The following GOLM1 variants were observed in gnomAD, a reference collection of about 807,000 sequenced individuals.
The protein encoded by GOLM1 is golgi membrane protein 1.
In GOLM1, 31 loss-of-function variants were observed where a neutral mutation model predicts 50.5. That is an observed-to-expected ratio of 0.61 (90% CI 0.46 to 0.83). The LOEUF (loss-of-function observed/expected upper bound fraction) is 0.83. Among genes scored for constraint, GOLM1 ranks in the 40% least tolerant of loss-of-function variants. GOLM1 has a pLI of 0.00. For synonymous variants in GOLM1, 178 were observed against 192.8 expected, an observed-to-expected ratio of 0.92 and a Z score of 0.64; for missense variants, 491 against 501.3, an observed-to-expected ratio of 0.98 and a Z score of 0.20.
In GOLM1 at chr9:86,026,982, C is replaced by T; in HGVS notation, c.*835G>A. 1.0e-6 allele frequency: 1 copy of T among 985,384 alleles called. No individual in the cohort carries two copies. Among genetic ancestry groups the T allele is most frequent in the Non-Finnish European group, 1.2e-6 (1 of 829,938 alleles). The allele number at this position is 985,384 out of a possible 1,614,324, so 61.0% of individuals were successfully genotyped here. ...TCCACAACAAACTTGCCCTCTCATG[C>T]CTTGCCTCTCACCATGCTCTGCTCC... On this transcript the variant is annotated 3_prime_UTR_variant, in exon 10 of 10. Transcript: ENST00000388712.
At position 86,040,721 on chromosome 9, in the gene GOLM1, CAAAAAT is replaced by C. The variant is rs768136990; in HGVS notation, c.597+12_597+17del. On this transcript the variant is annotated intron_variant, in intron 6 of 9. Transcript: ENST00000388712. ...AGGGGTACCTTCTAGAAACTCTTGG[CAAAAAT>C]TCCCCAGTTACCTGCTGTCTCTGGT... The C allele has an allele frequency of 6.2e-6, 10 of 1,603,626 alleles. No homozygotes were observed. The highest frequency in any genetic ancestry group is 1.3e-5 in the African/African-American group (1 of 74,242).
chr9:86,069,960 T>C (rs980752161), intron 3 of GOLM1, among the ~76,000 whole-genome samples: 13 of 152,114 alleles, frequency 8.5e-5, no homozygotes, highest in Non-Finnish European at 2.9e-5. Context: ...CCTGGCTCAC[T>C]GCAACCTCCG....
intron 3 of GOLM1, among the ~76,000 whole-genome samples, chr9:86,062,780 G>A (rs376232445): frequency 9.9e-5 from 15 of 152,090 alleles, no homozygotes; most frequent in African/African-American, 3.6e-4. Flanking sequence ...TCCTTTGGTA[G>A]CAGCCTGCCC....
Position 86,027,818 on chromosome 9 carries a change from C to T in GOLM1, c.1205G>A (p.Ter402=), listed in dbSNP as rs1832832051. ...DQREKRNHTL[*] Reference sequence around the variant, plus strand: ...TGAAATATGTGATTCCAGTTCAATTCAGAGTGTATGATTCCGCTTTTCACG... The same window carrying T: ...TGAAATATGTGATTCCAGTTCAATTTAGAGTGTATGATTCCGCTTTTCACG... The change falls in exon 10 of 10, where the codon TGA becomes TAA. Residue 402 remains the stop codon, a stop_retained_variant. Transcript: ENST00000388712. 1.2e-6 allele frequency: 2 copies of T among 1,612,772 alleles called. No homozygotes were observed. The highest frequency in any genetic ancestry group is 1.7e-6 in the Non-Finnish European group (2 of 1,179,082).
At chr9:86,099,761 T>A (rs1835479250), upstream of GOLM1, among the ~76,000 whole-genome samples, 1 of 151,976 alleles carries the variant, frequency 6.6e-6, no homozygotes, top group African/African-American at 2.4e-5. Context: ...CCGCTGGGCG[T>A]TGCCCCTTCC....
chr9:86,093,727 AAAAG>A (rs1049932391), intron 1 of GOLM1, among the ~76,000 whole-genome samples: 14 of 152,214 alleles, frequency 9.2e-5, no homozygotes, highest in African/African-American at 1.4e-4. Context: ...TACTTTTTTT[AAAAG>A]AAAGAAAAGG....
At chr9:86,044,246 A>T (rs189382726) in intron 5 of GOLM1, among the ~76,000 whole-genome samples, 136 of 152,352 alleles carry the variant, frequency 8.9e-4, no homozygotes, top group Non-Finnish European at 1.8e-3. Flanking sequence ...CCACTGGCAT[A>T]GCTGAATAAG....
intron 5 of GOLM1, 68 bp downstream of exon 5, chr9:86,046,402 C>T (rs1310496162): frequency 1.1e-6 from 1 of 923,894 alleles, no homozygotes; most frequent in Non-Finnish European, 1.8e-6. Flanking sequence ...GGTTACATCT[C>T]AGCTTAATCC....
At chr9:86,072,353 A>T (rs776802470) in intron 3 of GOLM1, among the ~76,000 whole-genome samples, 2 of 152,208 alleles carry the variant, frequency 1.3e-5, no homozygotes, top group Non-Finnish European at 2.9e-5. Flanking sequence ...TTCATAAGAA[A>T]ACCATTCTAT....
chr9:86,067,737 T>C (rs902706578), intron 3 of GOLM1, among the ~76,000 whole-genome samples: 2 of 152,210 alleles, frequency 1.3e-5, no homozygotes, highest in African/African-American at 4.8e-5. Context: ...GCGCAGTGGC[T>C]CATGCCTGTA....
intron 3 of GOLM1, among the ~76,000 whole-genome samples, chr9:86,056,640 G>A (rs1456981484): frequency 2.0e-5 from 3 of 151,796 alleles, no homozygotes; most frequent in African/African-American, 7.3e-5. Flanking sequence ...TGAGTAGCTG[G>A]GACTACAGGC....
intron 6 of GOLM1, 75 bp downstream of exon 6, chr9:86,040,664 C>T (rs897307858): frequency 1.5e-5 from 21 of 1,387,436 alleles, no homozygotes; most frequent in South Asian, 1.5e-4. Context: ...GAAAGCCAGG[C>T]GGCACATAAA....
At chr9:86,086,332 CTT>C (rs1223842435) in intron 1 of GOLM1, among the ~76,000 whole-genome samples, 1 of 150,886 alleles carries the variant, frequency 6.6e-6, no homozygotes, top group East Asian at 2.0e-4. Flanking sequence ...TTTCTTGTAA[CTT>C]TAAGTTCTTT....
chr9:86,082,434 T>A (rs1404376950), intron 1 of GOLM1, among the ~76,000 whole-genome samples: 3 of 149,828 alleles, frequency 2.0e-5, no homozygotes. Context: ...GCTGACACAC[T>A]CACTCTGTCA....
chr9:86,066,296 T>A (rs1455572204), intron 3 of GOLM1, among the ~76,000 whole-genome samples: 1 of 152,108 alleles, frequency 6.6e-6, no homozygotes, highest in Non-Finnish European at 1.5e-5. Flanking sequence ...GTACCCCAAG[T>A]TACTGTGCAA....
At chr9:86,066,885 G>A (rs1834323023) in intron 3 of GOLM1, among the ~76,000 whole-genome samples, 1 of 152,086 alleles carries the variant, frequency 6.6e-6, no homozygotes. Context: ...ACAGCAGTTA[G>A]CCAAGAGGGG....
chr9:86,086,126 A>G (rs188207895), intron 1 of GOLM1, among the ~76,000 whole-genome samples: 1 of 152,304 alleles, frequency 6.6e-6, no homozygotes, highest in East Asian at 1.9e-4. Context: ...CATTCTCTCC[A>G]GCATCTGTGG....
intron 9 of GOLM1, among the ~76,000 whole-genome samples, chr9:86,029,603 A>G (rs1474642309): frequency 6.8e-6 from 1 of 147,650 alleles, no homozygotes; most frequent in African/African-American, 2.6e-5. Context: ...AATACCTGCC[A>G]TATTAAATTA....
At chr9:86,028,242 A>G (rs1248013664) in intron 9 of GOLM1, among the ~76,000 whole-genome samples, 1 of 152,198 alleles carries the variant, frequency 6.6e-6, no homozygotes, top group East Asian at 1.9e-4. Flanking sequence ...TGTGCCTATA[A>G]AAACCCTGAG....
Sources: allele counts gnomAD v4.1 joint callset (sites outside exome capture counted in the v4.1 genomes callset), GRCh38; gene constraint gnomAD v4.1.1; transcripts MANE v1.5; gene names NCBI Gene and HGNC (gene_info 2026-07-23, HGNC 2026-07-21).